Variants in SMC6 observed in about 807,000 individuals in gnomAD.
SMC6 encodes structural maintenance of chromosomes 6.
SMC6 carries 79 observed loss-of-function variants against 142.2 expected under a neutral mutation model. The observed-to-expected ratio is 0.56, with a 90% CI of 0.46 to 0.67. The LOEUF (loss-of-function observed/expected upper bound fraction) is 0.67, where lower values mean the gene tolerates loss of function less well. Among genes scored for constraint, SMC6 ranks in the 30% least tolerant of loss-of-function variants. The probability of loss-of-function intolerance (pLI) is 0.00; values close to 1 mark genes in which losing one functional copy is unlikely to be tolerated. For missense variants in SMC6, 1,072 were observed against 1,284.0 expected (o/e 0.83, Z 2.52); for synonymous variants, 411 against 412.4 (o/e 1.00, Z 0.04).
At chr2:17,701,033 AAATAATAATAAT>A (rs61348893) in intron 20 of SMC6, among the ~76,000 whole-genome samples, 51 of 144,312 alleles carry the variant, frequency 3.5e-4, no homozygotes, top group South Asian at 3.4e-3. Context: ...CTCCGTCTCA[AAATAATAATAAT>A]AATAATAATA....
intron 21 of SMC6, among the ~76,000 whole-genome samples, chr2:17,698,324 C>G (rs944238391): frequency 6.6e-6 from 1 of 151,872 alleles, no homozygotes. Flanking sequence ...TTTTCTATAT[C>G]CTTGTTCATT....
chr2:17,735,693 T>C (rs1424660652), intron 5 of SMC6, among the ~76,000 whole-genome samples: 1 of 152,190 alleles, frequency 6.6e-6, no homozygotes, highest in Non-Finnish European at 1.5e-5. Context: ...TGAGAAAGGT[T>C]TTCATGTGAA....
intron 23 of SMC6, among the ~76,000 whole-genome samples, chr2:17,690,916 T>A (rs971563647): frequency 2.0e-5 from 3 of 150,438 alleles, no homozygotes; most frequent in Admixed American, 6.6e-5. Context: ...ATTGGTACAA[T>A]CCCTATAAAG....
chr2:17,688,094 C>T (rs932078416), intron 23 of SMC6, among the ~76,000 whole-genome samples: 11 of 151,990 alleles, frequency 7.2e-5, no homozygotes, highest in Non-Finnish European at 1.3e-4. Context: ...ACTGGAGACA[C>T]CAATACAAAC....
chr2:17,725,237 T>A lies in SMC6; in HGVS notation c.726+20A>T, dbSNP rs990933718. 18 of 1,565,114 alleles carry A rather than the reference T, an allele frequency of 1.2e-5. No homozygotes were observed. The highest frequency in any genetic ancestry group is 1.6e-5 in the Non-Finnish European group (18 of 1,149,342). On this transcript the variant is annotated intron_variant, in intron 9 of 27. Coordinates refer to ENST00000448223, the MANE Select transcript of SMC6 (RefSeq NM_001142286.2). ...GAATTTGGCTGATCTCAAAAAGATT[T>A]ACATTAACTGTTTACAAACCTCTTC...
chr2:17,745,880 A>C lies in SMC6; in HGVS notation c.67T>G (p.Leu23Val). The change falls in exon 3 of 28, where the codon TTG (leucine) becomes GTG (valine). Residue 23 changes from leucine (L) to valine (V), a missense_variant. Leu to Val is a conservative substitution (Grantham distance 32, BLOSUM62 1). This residue lies in a region of SMC6 where 994 missense variants were observed against 1,153.2 expected (regional missense o/e 0.86). Coordinates refer to ENST00000448223, the MANE Select transcript of SMC6 (RefSeq NM_001142286.2). ...KNAKRPRQEE[L>V]EDFDKDGDED... ...TCACCATCTTTATCAAAATCCTCCA[A>C]TTCTTCTTGTCTTGGCCTTTTGGCA... 6.2e-7 allele frequency: 1 copy of C among 1,612,872 alleles called. No individual in the cohort carries two copies. The highest frequency in any genetic ancestry group is 1.1e-5 in the South Asian group (1 of 90,808).
intron 9 of SMC6, among the ~76,000 whole-genome samples, chr2:17,723,373 C>A (rs989698251): frequency 2.0e-5 from 3 of 152,200 alleles, no homozygotes; most frequent in Non-Finnish European, 4.4e-5. Flanking sequence ...ATGTCTTCTA[C>A]TGCCCCCTAA....
chr2:17,694,087 T>A (rs1363517143), intron 23 of SMC6, among the ~76,000 whole-genome samples: 1 of 145,810 alleles, frequency 6.9e-6, no homozygotes, highest in Non-Finnish European at 1.5e-5. Context: ...TTAAGTGAAA[T>A]AAGCCAGGCA....
chr2:17,706,701 T>C (rs1244032896), intron 18 of SMC6, among the ~76,000 whole-genome samples: 1 of 152,186 alleles, frequency 6.6e-6, no homozygotes, highest in Non-Finnish European at 1.5e-5. Context: ...CATGAATCTC[T>C]TAATAGTTTT....
At chr2:17,692,045 G>C (rs926483940) in intron 23 of SMC6, among the ~76,000 whole-genome samples, 7 of 152,154 alleles carry the variant, frequency 4.6e-5, no homozygotes, top group African/African-American at 1.4e-4. Context: ...ACTGCTCAAT[G>C]AAATAAAAGA....
At chr2:17,752,718 C>T (rs1671113342) in intron 2 of SMC6, among the ~76,000 whole-genome samples, 1 of 152,178 alleles carries the variant, frequency 6.6e-6, no homozygotes, top group Non-Finnish European at 1.5e-5. Flanking sequence ...TCCCTCTCTA[C>T]CCACACACCC....
chr2:17,717,774 G>A (rs1037485624), intron 12 of SMC6, among the ~76,000 whole-genome samples: 4 of 152,172 alleles, frequency 2.6e-5, no homozygotes, highest in Non-Finnish European at 5.9e-5. Flanking sequence ...TTGAGGCCAA[G>A]AGTTCAAGAC....
chr2:17,696,230 A>G (rs935045249), intron 22 of SMC6, 59 bp downstream of exon 22: 3 of 1,551,108 alleles, frequency 1.9e-6, no homozygotes, highest in Non-Finnish European at 2.6e-6. Flanking sequence ...GGGAAAACAC[A>G]CTTTAATAAT....
chr2:17,707,471 T>G, intron 17 of SMC6, 92 bp from the exon 18 acceptor site: 1 of 690,638 alleles, frequency 1.4e-6, no homozygotes, highest in Non-Finnish European at 2.1e-6. Flanking sequence ...CTTATTATTT[T>G]AATATGATTC....
At chr2:17,679,088 T>C (rs144537696) in intron 24 of SMC6, 124 bp from the exon 25 acceptor site, 5 of 612,682 alleles carry the variant, frequency 8.2e-6, no homozygotes, top group Non-Finnish European at 1.4e-5. Context: ...CATTGGTTAC[T>C]CATTTAATAG....
chr2:17,691,610 A>G (rs1010500245), intron 23 of SMC6, among the ~76,000 whole-genome samples: 4 of 152,044 alleles, frequency 2.6e-5, no homozygotes, highest in African/African-American at 9.7e-5. Context: ...CCAATATCAT[A>G]CTGAATGGGC....
At chr2:17,726,261 T>C (rs1669620423) in intron 8 of SMC6, 128 bp downstream of exon 8, 1 of 533,966 alleles carries the variant, frequency 1.9e-6, no homozygotes, top group South Asian at 4.5e-5. Flanking sequence ...GGAAATTGAA[T>C]TACTTTAAAT....
At chr2:17,680,859 A>T (rs1265891932) in intron 24 of SMC6, 1 of 152,224 alleles carries the variant, frequency 6.6e-6, no homozygotes, top group Non-Finnish European at 1.5e-5. Context: ...GTAAATAAAC[A>T]TTGGCTTAAA....
intron 23 of SMC6, among the ~76,000 whole-genome samples, chr2:17,687,414 T>C (rs1201710863): frequency 2.0e-5 from 3 of 151,886 alleles, no homozygotes; most frequent in Non-Finnish European, 4.4e-5. Context: ...CAAAACAGAG[T>C]ACAATGAAGC....
Sources: gnomAD v4.1 joint callset for allele counts (sites outside exome capture counted in the v4.1 genomes callset) on GRCh38, gnomAD v4.1.1 for gene constraint, gnomAD v4.1.1 regional missense constraint, MANE v1.5 for transcripts, NCBI Gene and HGNC (gene_info 2026-07-23, HGNC 2026-07-21) for gene names.